GGH: variants seen among roughly 807,000 people sequenced by gnomAD.
The protein encoded by GGH is gamma-Glu-X carboxypeptidase.
In GGH, 18 loss-of-function variants were observed where a neutral mutation model predicts 39.2. The observed-to-expected ratio is 0.46, with a 90% confidence interval of 0.32 to 0.68. The LOEUF is 0.68. Ranked by LOEUF, GGH falls within the 30% of genes least tolerant of loss-of-function variation. GGH has a pLI of 0.04. For synonymous variants in GGH, 147 were observed against 138.8 expected (o/e 1.06, Z -0.42); for missense variants, 367 against 384.1 (o/e 0.96, Z 0.37).
chr8:63,017,460 C>A, intron 8 of GGH, 33 bp downstream of exon 8: 1 of 1,535,776 alleles, frequency 6.5e-7, no homozygotes, highest in Non-Finnish European at 8.9e-7. Flanking sequence ...CAAAACTACC[C>A]CAGAATAACA....
chr8:63,028,535 T>C (rs1446345272), intron 3 of GGH: 1 of 152,140 alleles, frequency 6.6e-6, no homozygotes, highest in Non-Finnish European at 1.5e-5. Flanking sequence ...GTCCACTGCA[T>C]AACAGTGACT....
chr8:63,035,778 CAA>C lies in GGH; in HGVS notation c.110-10_110-9del, dbSNP rs767655894. On this transcript the variant is annotated splice_polypyrimidine_tract_variant and intron_variant, in intron 1 of 8. Transcript: ENST00000260118. ...ATTTTTGCATTAATATTCCTAATAA[CAA>C]AAAAAAGTTTAGTTTCAAGCAAATT... 4 of 1,595,476 alleles carry C rather than the reference CAA, an allele frequency of 2.5e-6. No individual in the cohort carries two copies. Among genetic ancestry groups the C allele is most frequent in the African/African-American group, 1.4e-5 (1 of 73,634 alleles).
intron 8 of GGH, 70 bp downstream of exon 8, chr8:63,017,423 A>C (rs1343988810): frequency 3.9e-6 from 4 of 1,022,764 alleles, no homozygotes; most frequent in Non-Finnish European, 5.9e-6. Flanking sequence ...AAGGGTAGGC[A>C]AAAGTTCAGA....
intron 1 of GGH, among the ~76,000 whole-genome samples, chr8:63,038,005 C>G (rs1341185637): frequency 1.3e-5 from 2 of 152,206 alleles, no homozygotes; most frequent in Non-Finnish European, 2.9e-5. Flanking sequence ...CAAATTTTAA[C>G]CCCAGGATGA....
In GGH at chr8:63,026,272, G is replaced by T; in HGVS notation, c.385C>A (p.Pro129Thr). The T allele has an allele frequency of 6.2e-7, 1 of 1,606,284 alleles. No individual in the cohort carries two copies. The highest frequency in any genetic ancestry group is 8.5e-7 in the Non-Finnish European group (1 of 1,176,492). The change falls in exon 5 of 9, where the codon CCT becomes ACT. Residue 129 changes from proline (P) to threonine (T), a missense_variant. Physicochemically the swap from Pro to Thr is conservative, Grantham distance 38. Coordinates refer to ENST00000260118, the MANE Select transcript of GGH (RefSeq NM_003878.3). ...IQSFDDGDYFPVWGTCLGFEE... is the reference protein window; with the variant it reads ...IQSFDDGDYFTVWGTCLGFEE... ...AATCCAAGGCATGTGCCCCACACAGGAAAATAGTCTCCATCATCAAAACTC... is the reference window on the plus strand; with the variant it reads ...AATCCAAGGCATGTGCCCCACACAGTAAAATAGTCTCCATCATCAAAACTC...
rs1804964982 is a variant in GGH at position 63,038,801 on chromosome 8, C to T, written c.-33G>A. On this transcript the variant is annotated 5_prime_UTR_variant, in exon 1 of 9. Coordinates refer to ENST00000260118, the MANE Select transcript of GGH (RefSeq NM_003878.3). ...GCCGCCTCCCGCCGCCTTTCAAAAG[C>T]TCTGCGGGCGGGCGGGGGCTGCGGC... 2.2e-6 allele frequency: 3 copies of T among 1,362,046 alleles called. No individual in the cohort carries two copies. The highest frequency in any genetic ancestry group is 1.5e-5 in the African/African-American group (1 of 66,866). The allele number at this position is 1,362,046 out of a possible 1,614,324, so 84.4% of individuals were successfully genotyped here.
At chr8:63,033,628 A>AT (rs58989110) in intron 2 of GGH, among the ~76,000 whole-genome samples, 26,724 of 151,852 alleles carry the variant, frequency 0.18, 2,616 homozygotes, top group East Asian at 0.49. Flanking sequence ...ATTTTTTATA[A>AT]TTTTAACTTT....
rs780309319 is a variant in GGH, at chr8:63,038,742, G to C, written c.27C>G (p.Cys9Trp). 4.0e-5 allele frequency: 63 copies of C among 1,577,194 alleles called. No homozygotes were observed. The highest frequency in any genetic ancestry group is 5.3e-5 in the Non-Finnish European group (62 of 1,164,052). The change falls in exon 1 of 9, where the codon TGC (cysteine) becomes TGG (tryptophan). Residue 9 changes from cysteine (C) to tryptophan (W), a missense_variant. By Grantham distance (215) the Cys-to-Trp change is radical (BLOSUM62 -2). Coordinates refer to ENST00000260118, the MANE Select transcript of GGH (RefSeq NM_003878.3). Reference protein sequence around the residue: MASPGCLLCVLGLLLCGAA... With the variant: MASPGCLLWVLGLLLCGAA... ...CCCCGCAGAGTAGCAGGCCCAGCACGCACAGCAGGCAGCCCGGACTGGCCA... is the reference window on the plus strand; with the variant it reads ...CCCCGCAGAGTAGCAGGCCCAGCACCCACAGCAGGCAGCCCGGACTGGCCA...
In GGH at chr8:63,027,008, G is replaced by A. The variant is rs534628082; in HGVS notation, c.360+173C>T. 1.9e-5 allele frequency: 12 copies of A among 619,822 alleles called. No individual in the cohort carries two copies. The African/African-American group carries it at 2.2e-4, about 12-fold the overall frequency. 38.4% of individuals were successfully genotyped at this position (619,822 alleles called of 1,614,324 possible). A position where few individuals can be genotyped will look rare whatever the true frequency, so the allele number is the denominator to read the frequency against. ...GGTCTCTGGAAGCCCAGGATTAGAT[G>A]AAGCACATGGAAAATAGGCGGGAGC... On this transcript the variant is annotated intron_variant, in intron 4 of 8. Coordinates refer to ENST00000260118, the MANE Select transcript of GGH (RefSeq NM_003878.3).
chr8:63,020,389 C>T (rs917781986), intron 7 of GGH, among the ~76,000 whole-genome samples: 4 of 152,160 alleles, frequency 2.6e-5, no homozygotes, highest in Non-Finnish European at 5.9e-5. Flanking sequence ...ATTAGGCATT[C>T]ATTCAACATC....
rs781259634 is a variant in GGH at position 63,038,644 on chromosome 8, C to A, written c.109+16G>T. The A allele has an allele frequency of 7.1e-7, 1 of 1,408,538 alleles. No individual in the cohort carries two copies. Among genetic ancestry groups the A allele is most frequent in the Non-Finnish European group, 9.6e-7 (1 of 1,038,046 alleles). The allele number at this position is 1,408,538 out of a possible 1,614,324, so 87.3% of individuals were successfully genotyped here. ...AGCTCCTCCCCGTCTGCTGCGGCCCCGCACAGCCTCCTTACCGATGATGGG... is the reference window on the plus strand; with the variant it reads ...AGCTCCTCCCCGTCTGCTGCGGCCCAGCACAGCCTCCTTACCGATGATGGG... On this transcript the variant is annotated intron_variant, in intron 1 of 8. Coordinates refer to ENST00000260118, the MANE Select transcript of GGH (RefSeq NM_003878.3).
chr8:63,027,363 T>A (rs1804706882), intron 3 of GGH, 98 bp from the exon 4 acceptor site: 1 of 633,962 alleles, frequency 1.6e-6, no homozygotes, highest in African/African-American at 1.9e-5. Flanking sequence ...CAATTTTTCT[T>A]ATTACATATG....
chr8:63,035,010 A>C (rs1313576622), intron 2 of GGH, among the ~76,000 whole-genome samples: 1 of 151,958 alleles, frequency 6.6e-6, no homozygotes, highest in Admixed American at 6.6e-5. Context: ...CCAATATGTA[A>C]TTTTTTATCC....
chr8:63,024,501 GA>G (rs1804649193), intron 5 of GGH: 1 of 212,680 alleles, frequency 4.7e-6, no homozygotes, highest in Admixed American at 5.9e-5. Flanking sequence ...AGACTATTCT[GA>G]AAAACAGTTA....
intron 1 of GGH, among the ~76,000 whole-genome samples, chr8:63,037,334 G>GT (rs1804929209): frequency 6.6e-6 from 1 of 152,118 alleles, no homozygotes; most frequent in Non-Finnish European, 1.5e-5. Flanking sequence ...GTACCACAAA[G>GT]GAGACATGGG....
rs781250938 is a variant in GGH at position 63,026,176 on chromosome 8, G to C, written c.481C>G (p.Pro161Ala). 1 of 1,601,408 alleles carries C rather than the reference G, an allele frequency of 6.2e-7. No individual in the cohort carries two copies. The highest frequency in any genetic ancestry group is 1.7e-5 in the Admixed American group (1 of 57,396). ...CTCTTACCTCCAGTGAAGTTCAGCG[G>C]CATTGCCACGTCAACAGTATCTGTG... is the stretch of plus-strand genomic sequence containing the variant. ...TATDTVDVAM[P>A]LNFTGGQLHS... Residue 161 changes from proline (P) to alanine (A), a missense_variant, in exon 5 of 9, where the codon CCG (proline) becomes GCG (alanine). By Grantham distance (27) the Pro-to-Ala change is conservative. Coordinates refer to ENST00000260118, the MANE Select transcript of GGH (RefSeq NM_003878.3).
At chr8:63,031,758 C>T (rs1428869880) in intron 2 of GGH, among the ~76,000 whole-genome samples, 1 of 152,134 alleles carries the variant, frequency 6.6e-6, no homozygotes, top group Non-Finnish European at 1.5e-5. Context: ...TGCCTAGGGG[C>T]CCTGGCAGAG....
intron 1 of GGH, 60 bp downstream of exon 1, chr8:63,038,600 G>GGGGCCCCCCCCCCCCCCCC: frequency 1.1e-6 from 1 of 883,524 alleles, no homozygotes. Flanking sequence ...GCGGCGGGAG[G>GGGGCCCCCCCCCCCCCCCC]CGCCCAGCGC....
intron 1 of GGH, 149 bp from the exon 2 acceptor site, chr8:63,035,919 T>C (rs1355511891): frequency 4.0e-6 from 3 of 751,254 alleles, no homozygotes; most frequent in African/African-American, 1.8e-5. Context: ...CCATAGCCTA[T>C]GGGAAAGCAG....
Sources: allele counts gnomAD v4.1 joint callset (sites outside exome capture counted in the v4.1 genomes callset), GRCh38; gene constraint gnomAD v4.1.1; transcripts MANE v1.5; gene names NCBI Gene and HGNC (gene_info 2026-07-23, HGNC 2026-07-21).